The following CACNB2 variants were observed in gnomAD, a reference collection of about 807,000 sequenced individuals.
CACNB2 encodes voltage-dependent L-type calcium channel subunit beta-2.
A neutral mutation model predicts 73.3 loss-of-function variants in CACNB2; 42 were observed. The observed-to-expected ratio is 0.57, with a 90% CI of 0.45 to 0.74. The LOEUF is 0.74. Ranked by LOEUF, CACNB2 falls within the 30% of genes least tolerant of loss-of-function variation. CACNB2 has a pLI of 0.00. For synonymous variants in CACNB2, 348 were observed against 310.3 expected, an observed-to-expected ratio of 1.12 and a Z score of -1.28; for missense variants, 940 against 853.0, an observed-to-expected ratio of 1.10 and a Z score of -1.27.
At position 18,202,380 on chromosome 10, in the gene CACNB2, T is replaced by G. The variant is rs188264533; in HGVS notation, c.213+51405T>G. ...CTATGATTGAGTACATATACTGATC[T>G]TCTCTGGGCCTTGGTTTCTCTAACT... On this transcript the variant is annotated intron_variant, in intron 2 of 13. Coordinates refer to ENST00000324631, the MANE Select transcript of CACNB2 (RefSeq NM_201596.3). Among the ~76,000 whole-genome samples the G allele has an allele frequency of 2.7e-3, 410 of 152,332 alleles. 6 individuals carry two copies. The highest frequency in any genetic ancestry group is 7.6e-4 in the Non-Finnish European group (52 of 68,018).
At chr10:18,456,663 C>A (rs529393635) in intron 3 of CACNB2, among the ~76,000 whole-genome samples, 1 of 152,216 alleles carries the variant, frequency 6.6e-6, no homozygotes, top group East Asian at 1.9e-4. Flanking sequence ...TCCATTCCTC[C>A]AGGCCTAGCA....
At chr10:18,447,011 G>T (rs776559698) in intron 3 of CACNB2, among the ~76,000 whole-genome samples, 1 of 151,662 alleles carries the variant, frequency 6.6e-6, no homozygotes, top group Non-Finnish European at 1.5e-5. Context: ...GTGAGGCTGT[G>T]ATTATGCCGT....
At chr10:18,453,538 G>C (rs2047116800) in intron 3 of CACNB2, among the ~76,000 whole-genome samples, 1 of 152,188 alleles carries the variant, frequency 6.6e-6, no homozygotes, top group Non-Finnish European at 1.5e-5. Context: ...GAGACTTCTT[G>C]AGCACTGCCG....
At chr10:18,180,298 C>T (rs1046149832) in intron 2 of CACNB2, among the ~76,000 whole-genome samples, 2 of 152,118 alleles carry the variant, frequency 1.3e-5, no homozygotes, top group African/African-American at 4.8e-5. Flanking sequence ...TGTGATGGGG[C>T]CATCTTCCCA....
chr10:18,495,336 C>T (rs1276957330), intron 3 of CACNB2, among the ~76,000 whole-genome samples: 2 of 151,594 alleles, frequency 1.3e-5, no homozygotes, highest in African/African-American at 4.8e-5. Context: ...TCTCCTGTCT[C>T]AGCCTCCTGA....
intron 3 of CACNB2, among the ~76,000 whole-genome samples, chr10:18,470,622 G>A (rs1411703877): frequency 6.6e-6 from 1 of 151,838 alleles, no homozygotes; most frequent in Non-Finnish European, 1.5e-5. Context: ...TGGAGCCTTT[G>A]CATACAGTTT....
intron 2 of CACNB2, among the ~76,000 whole-genome samples, chr10:18,208,464 T>C (rs2035186041): frequency 6.6e-6 from 1 of 151,490 alleles, no homozygotes; most frequent in African/African-American, 2.4e-5. Context: ...ACTAAAAAAT[T>C]AGTGGGGTGT....
intron 3 of CACNB2, among the ~76,000 whole-genome samples, chr10:18,495,591 G>GTGTGTA (rs768160446): frequency 0.023 from 3,209 of 138,654 alleles, 63 homozygotes; most frequent in African/African-American, 0.039. Context: ...GTGTGTGTGT[G>GTGTGTA]TATAAGAGAT....
At chr10:18,329,637 T>C (rs1010050267) in intron 2 of CACNB2, among the ~76,000 whole-genome samples, 2 of 152,110 alleles carry the variant, frequency 1.3e-5, no homozygotes, top group African/African-American at 4.8e-5. Flanking sequence ...GTTGGATTAA[T>C]CTCACTACTT....
At chr10:18,316,245 A>G (rs1221268284) in intron 2 of CACNB2, among the ~76,000 whole-genome samples, 1 of 152,180 alleles carries the variant, frequency 6.6e-6, no homozygotes, top group Non-Finnish European at 1.5e-5. Flanking sequence ...TTTTTGCAGT[A>G]TTAGCATCTA....
intron 3 of CACNB2, among the ~76,000 whole-genome samples, chr10:18,447,209 T>G (rs1376494842): frequency 6.8e-6 from 1 of 147,106 alleles, no homozygotes; most frequent in East Asian, 1.9e-4. Flanking sequence ...TAGAATATGG[T>G]TTCCACTAAA....
chr10:18,542,659 CATAAGAG>C lies in CACNB2; in HGVS notation c.*2936_*2942del, dbSNP rs1261721939. ...CAAAGAACTAGCTTGAAGGATTTGA[CATAAGAG>C]CCGCTATATGTGAAAAACTGTATAG... On this transcript the variant is annotated 3_prime_UTR_variant, in exon 14 of 14. Transcript: ENST00000324631. 6.6e-6 allele frequency: 1 copy of C among 152,124 alleles called. No homozygotes were observed. The highest frequency in any genetic ancestry group is 2.4e-5 in the African/African-American group (1 of 41,422). 9.4% of individuals were successfully genotyped at this position (152,124 alleles called of 1,614,324 possible). A position where few individuals can be genotyped will look rare whatever the true frequency, so the allele number is the denominator to read the frequency against.
In CACNB2 at chr10:18,538,243, T is replaced by C. The variant is rs768715677; in HGVS notation, c.1366T>C (p.Tyr456His). 1 of 1,614,108 alleles carries C rather than the reference T, an allele frequency of 6.2e-7. No individual in the cohort carries two copies. Among genetic ancestry groups the C allele is most frequent in the Non-Finnish European group, 8.5e-7 (1 of 1,179,994 alleles). The stretch of plus-strand genomic sequence containing the variant: ...GGATGCCTGTGAGCACCTTGCCGAC[T>C]ATCTGGAGGCCTACTGGAAGGCCAC... ...LEDACEHLAD[Y>H]LEAYWKATHP... is the part of the protein sequence containing the mutation. Residue 456 changes from tyrosine to histidine, a missense_variant, in exon 13 of 14, where the codon TAT becomes CAT. Tyr to His is a moderately conservative substitution (Grantham distance 83). Transcript: ENST00000324631.
At chr10:18,190,325 C>T (rs1588660428) in intron 2 of CACNB2, among the ~76,000 whole-genome samples, 1 of 152,160 alleles carries the variant, frequency 6.6e-6, no homozygotes, top group Non-Finnish European at 1.5e-5. Flanking sequence ...GCTTCCAGTC[C>T]CTCAGTGTAT....
chr10:18,424,729 C>G (rs1370215972), intron 3 of CACNB2, among the ~76,000 whole-genome samples: 1 of 152,148 alleles, frequency 6.6e-6, no homozygotes, highest in Non-Finnish European at 1.5e-5. Context: ...GTAGAATAAT[C>G]AAGGTGTTCT....
intron 3 of CACNB2, among the ~76,000 whole-genome samples, chr10:18,479,923 T>G (rs2048637216): frequency 6.6e-6 from 1 of 152,190 alleles, no homozygotes; most frequent in Non-Finnish European, 1.5e-5. Context: ...TCATTACTTT[T>G]AGAGTCAAGC....
chr10:18,361,402 G>A (rs2042131670), intron 2 of CACNB2, among the ~76,000 whole-genome samples: 1 of 151,398 alleles, frequency 6.6e-6, no homozygotes, highest in Non-Finnish European at 1.5e-5. Context: ...GGGAGGCTGA[G>A]GCTGGAGAAT....
intron 3 of CACNB2, among the ~76,000 whole-genome samples, chr10:18,483,964 G>A (rs959491976): frequency 1.3e-5 from 2 of 152,220 alleles, no homozygotes; most frequent in South Asian, 2.1e-4. Flanking sequence ...AAACAACTCA[G>A]TGTTCAGGGT....
At chr10:18,332,972 A>T (rs1331862685) in intron 2 of CACNB2, among the ~76,000 whole-genome samples, 1 of 152,194 alleles carries the variant, frequency 6.6e-6, no homozygotes, top group Non-Finnish European at 1.5e-5. Flanking sequence ...ACAATACAAC[A>T]GATCTATGGG....
Sources: allele counts gnomAD v4.1 joint callset (sites outside exome capture counted in the v4.1 genomes callset), GRCh38; gene constraint gnomAD v4.1.1; transcripts MANE v1.5; gene names NCBI Gene and HGNC (gene_info 2026-07-23, HGNC 2026-07-21).